Variants in B3GNT4 observed in about 807,000 individuals in gnomAD.
The protein encoded by B3GNT4 is UDP-GlcNAc:betaGal beta-1,3-N-acetylglucosaminyltransferase 4.
B3GNT4 carries 2 observed loss-of-function variants against 2.7 expected under a neutral mutation model. That is an observed-to-expected ratio of 0.73 (90% CI 0.30 to 2.31). The LOEUF (loss-of-function observed/expected upper bound fraction) is 2.31, where lower values mean the gene tolerates loss of function less well. B3GNT4 is among the 30% of genes most tolerant of loss of function. The pLI is 0.12. For missense variants in B3GNT4, 708 were observed against 490.9 expected (o/e 1.44, Z -4.18); for synonymous variants, 280 against 203.4 (o/e 1.38, Z -3.20).
At chr12:122,204,770 T>TGTG in intron 2 of B3GNT4, 86 bp downstream of exon 2, 1 of 1,234,148 alleles carries the variant, frequency 8.1e-7, no homozygotes, top group South Asian at 1.3e-5. Flanking sequence ...CTCTGGCCGG[T>TGTG]GGCTCACGCC....
intron 2 of B3GNT4, chr12:122,205,039 A>C: frequency 4.2e-6 from 1 of 236,570 alleles, no homozygotes; most frequent in Non-Finnish European, 8.2e-6. Flanking sequence ...AAAAACCAAC[A>C]AAACCCTTAG....
chr12:122,204,513 C>T lies in B3GNT4; in HGVS notation c.-97-9C>T, dbSNP rs554771949. 2.1e-4 allele frequency: 210 copies of T among 983,250 alleles called. No homozygotes were observed. Among genetic ancestry groups the T allele is most frequent in the South Asian group, 6.4e-4 (48 of 74,990 alleles). 60.9% of individuals were successfully genotyped at this position (983,250 alleles called of 1,614,324 possible). A position where few individuals can be genotyped will look rare whatever the true frequency, so the allele number is the denominator to read the frequency against. On this transcript the variant is annotated splice_polypyrimidine_tract_variant and intron_variant, in intron 1 of 2. Coordinates refer to ENST00000324189, the MANE Select transcript of B3GNT4 (RefSeq NM_030765.4). ...GGCACCGCCGCCCGCCCGGGCCTCT[C>T]GTCCACAGCCCGCGGTGCTCGCACA...
rs1228591358 is a variant in B3GNT4 at position 122,207,670 on chromosome 12, C to T, written c.*282C>T. The T allele has an allele frequency of 1.6e-6, 1 of 635,772 alleles. No homozygotes were observed. Among genetic ancestry groups the T allele is most frequent in the East Asian group, 3.2e-5 (1 of 31,380 alleles). The allele number at this position is 635,772 out of a possible 1,614,324, so 39.4% of individuals were successfully genotyped here. ...CAAGGAAGGAGGCTGCATAGGACCC[C>T]AGGAGAGACGCATTTTCTCTTTCAG... On this transcript the variant is annotated 3_prime_UTR_variant, in exon 3 of 3. Coordinates refer to ENST00000324189, the MANE Select transcript of B3GNT4 (RefSeq NM_030765.4).
rs1252978982 is a variant in B3GNT4, at chr12:122,207,061, C to T, written c.810C>T (p.Thr270=). ...YFIPPSMYRA[T]HYPPYAGGGG... ...TCCCACCCTCAATGTACAGGGCCAC[C>T]CACTACCCACCCTATGCTGGTGGGG... is the stretch of plus-strand genomic sequence containing the variant. Residue 270 remains threonine, a synonymous_variant, in exon 3 of 3, where the codon ACC becomes ACT. Transcript: ENST00000324189. 1 of 1,613,786 alleles carries T rather than the reference C, an allele frequency of 6.2e-7. No individual in the cohort carries two copies. Among genetic ancestry groups the T allele is most frequent in the Non-Finnish European group, 8.5e-7 (1 of 1,179,916 alleles).
Position 122,208,392 on chromosome 12 carries a change from G to A in B3GNT4, c.*1004G>A, listed in dbSNP as rs373789053. ...GTGTGCTCAGGCCCTCAATCCTCAC[G>A]CAGGTAGGCCTCCTGCTCCGACTCA... On this transcript the variant is annotated 3_prime_UTR_variant, in exon 3 of 3. Transcript: ENST00000324189. 6.8e-6 allele frequency: 11 copies of A among 1,612,252 alleles called. No individual in the cohort carries two copies. Among genetic ancestry groups the A allele is most frequent in the East Asian group, 6.7e-5 (3 of 44,900 alleles).
At position 122,208,266 on chromosome 12, in the gene B3GNT4, G is replaced by C. The variant is rs985575843; in HGVS notation, c.*878G>C. The stretch of plus-strand genomic sequence containing the variant: ...AAAGGCGTCTCGCCTGATTGGCCAG[G>C]GCAGGATCTGCCGCCTCTTCTCGGT... On this transcript the variant is annotated 3_prime_UTR_variant, in exon 3 of 3. Coordinates refer to ENST00000324189, the MANE Select transcript of B3GNT4 (RefSeq NM_030765.4). 2 of 1,268,556 alleles carry C rather than the reference G, an allele frequency of 1.6e-6. No individual in the cohort carries two copies. The highest frequency in any genetic ancestry group is 3.0e-5 in the African/African-American group (2 of 67,676). 78.6% of individuals were successfully genotyped at this position (1,268,556 alleles called of 1,614,324 possible). A position where few individuals can be genotyped will look rare whatever the true frequency, so the allele number is the denominator to read the frequency against.
Position 122,206,919 on chromosome 12 carries a change from T to A in B3GNT4, c.668T>A (p.Val223Asp). ...FMLKGDDDVF[V>D]HVPNVLEFLD... ...CTAAAGGGAGATGACGATGTCTTTG[T>A]CCACGTCCCCAACGTGTTAGAGTTC... Residue 223 changes from valine to aspartate, a missense_variant, in exon 3 of 3, where the codon GTC (valine) becomes GAC (aspartate). Physicochemically the swap from Val to Asp is radical, Grantham distance 152. Coordinates refer to ENST00000324189, the MANE Select transcript of B3GNT4 (RefSeq NM_030765.4). 6.2e-7 allele frequency: 1 copy of A among 1,614,084 alleles called. No individual in the cohort carries two copies. Among genetic ancestry groups the A allele is most frequent in the Non-Finnish European group, 8.5e-7 (1 of 1,180,016 alleles).
chr12:122,206,947 G>C lies in B3GNT4; in HGVS notation c.696G>C (p.Leu232=). The C allele has an allele frequency of 1.2e-6, 2 of 1,614,092 alleles. No homozygotes were observed. Among genetic ancestry groups the C allele is most frequent in the Non-Finnish European group, 1.7e-6 (2 of 1,180,024 alleles). Residue 232 remains leucine (L), a synonymous_variant, in exon 3 of 3, where the codon CTG becomes CTC. Transcript: ENST00000324189. The stretch of plus-strand genomic sequence containing the variant: ...ACGTCCCCAACGTGTTAGAGTTCCT[G>C]GATGGCTGGGACCCAGCCCAGGACC... ...FVHVPNVLEF[L]DGWDPAQDLL...
At position 122,206,691 on chromosome 12, in the gene B3GNT4, G is replaced by A. The variant is rs777519885; in HGVS notation, c.440G>A (p.Trp147Ter). 13 of 1,611,764 alleles carry A rather than the reference G, an allele frequency of 8.1e-6. No homozygotes were observed. The highest frequency in any genetic ancestry group is 1.1e-5 in the Non-Finnish European group (13 of 1,178,874). ...IRSTWGRVGG[W>*]ARGRQLKLVF... ...AGCACGTGGGGCAGGGTGGGGGGATGGGCTAGGGGCCGGCAGCTGAAGCTG... is the reference window on the plus strand; with the variant it reads ...AGCACGTGGGGCAGGGTGGGGGGATAGGCTAGGGGCCGGCAGCTGAAGCTG... Residue 147 changes from tryptophan (W) to a stop codon, truncating the protein, a stop_gained, in exon 3 of 3, where the codon TGG becomes TAG. Transcript: ENST00000324189. LOFTEE classifies it low-confidence loss of function (END_TRUNC).
chr12:122,206,530 C>T lies in B3GNT4; in HGVS notation c.279C>T (p.His93=). ...SSASLSLPSR[H]RLFLTYRHCR... ...CCTCTCTGTCCCTGCCTAGCCGTCA[C>T]CGTCTCTTCTTGACCTATCGTCACT... Residue 93 remains histidine, a synonymous_variant, in exon 3 of 3, where the codon CAC becomes CAT. Coordinates refer to ENST00000324189, the MANE Select transcript of B3GNT4 (RefSeq NM_030765.4). The T allele has an allele frequency of 6.2e-7, 1 of 1,614,236 alleles. No individual in the cohort carries two copies. Among genetic ancestry groups the T allele is most frequent in the Non-Finnish European group, 8.5e-7 (1 of 1,180,046 alleles).
Position 122,207,003 on chromosome 12 carries a change from T to G in B3GNT4, c.752T>G (p.Leu251Arg), listed in dbSNP as rs956743677. ...GTGGGAGATGTCATCCGCCAAGCCC[T>G]GCCCAACAGGAACACTAAGGTCAAA... is the stretch of plus-strand genomic sequence containing the variant. The part of the protein sequence containing the change: ...LLVGDVIRQA[L>R]PNRNTKVKYF... The change falls in exon 3 of 3, where the codon CTG becomes CGG. Residue 251 changes from leucine to arginine, a missense_variant. Leu to Arg is a moderately radical substitution (Grantham distance 102, BLOSUM62 -2). Coordinates refer to ENST00000324189, the MANE Select transcript of B3GNT4 (RefSeq NM_030765.4). 4.3e-6 allele frequency: 7 copies of G among 1,614,022 alleles called. No individual in the cohort carries two copies. The Admixed American group carries it at 5.0e-5, about 12-fold the overall frequency.
chr12:122,207,120 G>C lies in B3GNT4; in HGVS notation c.869G>C (p.Arg290Pro). The C allele has an allele frequency of 6.2e-7, 1 of 1,614,134 alleles. No homozygotes were observed. Among genetic ancestry groups the C allele is most frequent in the South Asian group, 1.1e-5 (1 of 91,062 alleles). The change falls in exon 3 of 3, where the codon CGC (arginine) becomes CCC (proline). Residue 290 changes from arginine (R) to proline (P), a missense_variant. Coordinates refer to ENST00000324189, the MANE Select transcript of B3GNT4 (RefSeq NM_030765.4). Reference protein sequence around the residue: ...GYVMSRATVRRLQAIMEDAEL... With the variant: ...GYVMSRATVRPLQAIMEDAEL... The stretch of plus-strand genomic sequence containing the variant: ...GTCATGTCCAGAGCCACAGTGCGGC[G>C]CCTCCAGGCTATCATGGAAGATGCT...
Position 122,207,534 on chromosome 12 carries a change from C to T in B3GNT4, c.*146C>T, listed in dbSNP as rs1476476384. The T allele has an allele frequency of 7.8e-6, 6 of 772,978 alleles. No individual in the cohort carries two copies. Among genetic ancestry groups the T allele is most frequent in the South Asian group, 1.9e-5 (1 of 53,446 alleles). The allele number at this position is 772,978 out of a possible 1,614,324, so 47.9% of individuals were successfully genotyped here. A position where few individuals can be genotyped will look rare whatever the true frequency, so the allele number is the denominator to read the frequency against. ...TTAGCTCTGATTAAAAACACTGCAA[C>T]CCAGCTAACTTGTCCAGCATATGTT... On this transcript the variant is annotated 3_prime_UTR_variant, in exon 3 of 3. Transcript: ENST00000324189.
chr12:122,206,697 G>C lies in B3GNT4; in HGVS notation c.446G>C (p.Arg149Thr). The C allele has an allele frequency of 6.2e-7, 1 of 1,611,212 alleles. No homozygotes were observed. Residue 149 changes from arginine (R) to threonine (T), a missense_variant, in exon 3 of 3, where the codon AGG becomes ACG. Transcript: ENST00000324189. ...TGGGGCAGGGTGGGGGGATGGGCTAGGGGCCGGCAGCTGAAGCTGGTGTTC... is the reference window on the plus strand; with the variant it reads ...TGGGGCAGGGTGGGGGGATGGGCTACGGGCCGGCAGCTGAAGCTGGTGTTC... ...STWGRVGGWA[R>T]GRQLKLVFLL...
At position 122,208,324 on chromosome 12, in the gene B3GNT4, G is replaced by C. The variant is rs1297914017; in HGVS notation, c.*936G>C. 1 of 1,586,196 alleles carries C rather than the reference G, an allele frequency of 6.3e-7. No individual in the cohort carries two copies. The highest frequency in any genetic ancestry group is 2.2e-5 in the East Asian group (1 of 44,758). On this transcript the variant is annotated 3_prime_UTR_variant, in exon 3 of 3. Transcript: ENST00000324189. ...CAGTCATGCCAACCCTGGGCAGGGT[G>C]GCATCTGCCCCTGCTTTCCCCACTG...
In B3GNT4 at chr12:122,207,553, A is replaced by C. The variant is rs1953951296; in HGVS notation, c.*165A>C. On this transcript the variant is annotated 3_prime_UTR_variant, in exon 3 of 3. Transcript: ENST00000324189. Reference sequence around the variant, plus strand: ...CTGCAACCCAGCTAACTTGTCCAGCATATGTTGAATGGGAGCCAAAGTGTA... The same window carrying C: ...CTGCAACCCAGCTAACTTGTCCAGCCTATGTTGAATGGGAGCCAAAGTGTA... 6 of 718,654 alleles carry C rather than the reference A, an allele frequency of 8.3e-6. No individual in the cohort carries two copies. The South Asian group carries it at 9.5e-5, about 11-fold the overall frequency. The allele number at this position is 718,654 out of a possible 1,614,324, so 44.5% of individuals were successfully genotyped here.
intron 2 of B3GNT4, chr12:122,206,071 C>T (rs549944046): frequency 5.3e-4 from 237 of 449,570 alleles, no homozygotes; most frequent in Non-Finnish European, 5.6e-4. Context: ...GGCTGCAAGT[C>T]CTTTTGGGAA....
In B3GNT4 at chr12:122,207,258, CCT is replaced by C. The variant is rs1318815634; in HGVS notation, c.1008_1009del (p.Leu337ArgfsTer6). ...TTTGGAATCCGGCGGCCCCTGGACC[CCT>C]TAGACCCCTGCCTGTATAGGGGGCT... On this transcript the variant is annotated frameshift_variant, in exon 3 of 3. Coordinates refer to ENST00000324189, the MANE Select transcript of B3GNT4 (RefSeq NM_030765.4). LOFTEE classifies it low-confidence loss of function (END_TRUNC). The C allele has an allele frequency of 3.7e-6, 6 of 1,614,120 alleles. No homozygotes were observed. The highest frequency in any genetic ancestry group is 1.1e-5 in the South Asian group (1 of 91,066).
chr12:122,204,778 G>T, intron 2 of B3GNT4, 94 bp downstream of exon 2: 5 of 1,132,284 alleles, frequency 4.4e-6, no homozygotes, highest in Non-Finnish European at 5.2e-6. Flanking sequence ...GGTGGCTCAC[G>T]CCTGTAGTCC....
Sources: allele counts gnomAD v4.1 joint callset, GRCh38; gene constraint gnomAD v4.1.1; transcripts MANE v1.5; gene names NCBI Gene and HGNC (gene_info 2026-07-23, HGNC 2026-07-21).